Variants in MYO10 observed in about 807,000 individuals in gnomAD.
The protein encoded by MYO10 is unconventional myosin-X.
MYO10 carries 133 observed loss-of-function variants against 257.3 expected under a neutral mutation model. That is an observed-to-expected ratio of 0.52 (90% CI 0.45 to 0.60). MYO10 has a LOEUF of 0.60. Among genes scored for constraint, MYO10 ranks in the 20% least tolerant of loss-of-function variants. The probability of loss-of-function intolerance (pLI) is 0.00; values close to 1 mark genes in which losing one functional copy is unlikely to be tolerated. For missense variants in MYO10, 2,399 were observed against 2,635.7 expected (o/e 0.91, Z 1.97); for synonymous variants, 1,104 against 1,028.6 (o/e 1.07, Z -1.40).
chr5:16,677,197 G>A (rs532620613), intron 33 of MYO10, among the ~76,000 whole-genome samples: 1 of 151,868 alleles, frequency 6.6e-6, no homozygotes, highest in Non-Finnish European at 1.5e-5. Flanking sequence ...ATTCTATCGT[G>A]GTAATTTCAT....
chr5:16,665,477 G>C lies in MYO10; in HGVS notation c.*1215C>G, dbSNP rs532277543. Reference sequence around the variant, plus strand: ...TCCAAGACCAGATTATTTTTCTTCTGGTCATAAATGCTGATTTATTTACAG... The same window carrying C: ...TCCAAGACCAGATTATTTTTCTTCTCGTCATAAATGCTGATTTATTTACAG... On this transcript the variant is annotated 3_prime_UTR_variant, in exon 41 of 41. Coordinates refer to ENST00000513610, the MANE Select transcript of MYO10 (RefSeq NM_012334.3). 6.6e-6 allele frequency: 1 copy of C among 152,126 alleles called. No individual in the cohort carries two copies. Among genetic ancestry groups the C allele is most frequent in the African/African-American group, 2.4e-5 (1 of 41,494 alleles). 9.4% of individuals were successfully genotyped at this position (152,126 alleles called of 1,614,324 possible). A position where few individuals can be genotyped will look rare whatever the true frequency, so the allele number is the denominator to read the frequency against.
intron 2 of MYO10, among the ~76,000 whole-genome samples, chr5:16,867,634 GT>G (rs1252980915): frequency 3.0e-4 from 46 of 152,286 alleles, no homozygotes; most frequent in Non-Finnish European, 2.9e-4. Flanking sequence ...AAACCAGAGA[GT>G]CAAACCAAAA....
Position 16,816,537 on chromosome 5 carries a change from CT to C in MYO10, c.279+1471del, listed in dbSNP as rs372989287. 6.3e-3 allele frequency among the ~76,000 whole-genome samples: 883 copies of C among 140,328 alleles called. 7 individuals are homozygous for C. The highest frequency in any genetic ancestry group is 0.017 in the African/African-American group (666 of 38,486). The allele number at this position is 140,328 out of a possible 152,430, so 92.1% of individuals were successfully genotyped here. A position where few individuals can be genotyped will look rare whatever the true frequency, so the allele number is the denominator to read the frequency against. ...ACTATCCATTTTAAGGCTGATTTTT[CT>C]TTTTTTTTTTTTTGAGATGGAGTCT... On this transcript the variant is annotated intron_variant, in intron 3 of 40. Coordinates refer to ENST00000513610, the MANE Select transcript of MYO10 (RefSeq NM_012334.3).
intron 18 of MYO10, among the ~76,000 whole-genome samples, chr5:16,755,477 A>G (rs1379866114): frequency 6.6e-6 from 1 of 152,216 alleles, no homozygotes; most frequent in Non-Finnish European, 1.5e-5. Context: ...AAATAGTACA[A>G]TTTTAATAAA....
intron 36 of MYO10, 38 bp downstream of exon 36, chr5:16,673,644 G>A: frequency 1.9e-6 from 3 of 1,586,698 alleles, no homozygotes; most frequent in Non-Finnish European, 2.6e-6. Flanking sequence ...CTGCAGCAAA[G>A]GCATCTAACA....
chr5:16,746,685 C>T (rs1236783664), intron 19 of MYO10, among the ~76,000 whole-genome samples: 1 of 152,152 alleles, frequency 6.6e-6, no homozygotes, highest in Non-Finnish European at 1.5e-5. Context: ...AGCAAGGTGC[C>T]TATTTGTGGT....
chr5:16,701,017 C>T lies in MYO10; in HGVS notation c.3378G>A (p.Gly1126=), dbSNP rs1365498793. 6.4e-7 allele frequency: 1 copy of T among 1,562,114 alleles called. No individual in the cohort carries two copies. The highest frequency in any genetic ancestry group is 2.4e-5 in the East Asian group (1 of 41,648). Residue 1126 remains glycine (G), a synonymous_variant, in exon 25 of 41, where the codon GGG becomes GGA. Coordinates refer to ENST00000513610, the MANE Select transcript of MYO10 (RefSeq NM_012334.3). This position sits in a 1 kb window ranked among gnomAD's most constrained non-coding sequence, Gnocchi z 8.1. ...GGTAGGCACCCGAGCTGTTGTAGGT[C>T]CCCACAGAGCAGCGGTAGTCGGGGG... ...QWSPDYRCSV[G]TYNSSGAYRF...
chr5:16,779,979 G>A (rs535272339), intron 8 of MYO10, among the ~76,000 whole-genome samples: 3 of 152,116 alleles, frequency 2.0e-5, no homozygotes, highest in Non-Finnish European at 4.4e-5. Flanking sequence ...TCAGCTCACC[G>A]CAACTTCTGC....
In MYO10 at chr5:16,663,227, TGA is replaced by T. The variant is rs1286977953; in HGVS notation, c.*3463_*3464del. On this transcript the variant is annotated 3_prime_UTR_variant, in exon 41 of 41. Transcript: ENST00000513610. The stretch of plus-strand genomic sequence containing the variant: ...ATGATTGGACAGCTTAAATTATTTT[TGA>T]GAGAATATTCAATAAAACAGTAAAA... The T allele has an allele frequency of 6.6e-6, 1 of 151,922 alleles. No individual in the cohort carries two copies. The highest frequency in any genetic ancestry group is 2.4e-5 in the African/African-American group (1 of 41,362). The allele number at this position is 151,922 out of a possible 1,614,324, so 9.4% of individuals were successfully genotyped here.
intron 1 of MYO10, among the ~76,000 whole-genome samples, chr5:16,931,922 A>T (rs530672647): frequency 6.6e-6 from 1 of 152,328 alleles, no homozygotes; most frequent in East Asian, 1.9e-4. Context: ...AAACAAAAAA[A>T]ATATACAACC....
chr5:16,676,848 A>G (rs1200085405), intron 33 of MYO10, among the ~76,000 whole-genome samples: 1 of 152,258 alleles, frequency 6.6e-6, no homozygotes, highest in Non-Finnish European at 1.5e-5. Context: ...TATAAAAAAT[A>G]AGAGAGCAAA....
intron 2 of MYO10, among the ~76,000 whole-genome samples, chr5:16,824,596 C>T (rs1286235526): frequency 1.3e-5 from 2 of 152,140 alleles, no homozygotes; most frequent in Non-Finnish European, 2.9e-5. Flanking sequence ...CAGCCGGGCG[C>T]GGTGGCTCAC....
chr5:16,845,390 G>T (rs2126730680), intron 2 of MYO10, among the ~76,000 whole-genome samples: 1 of 152,232 alleles, frequency 6.6e-6, no homozygotes, highest in South Asian at 2.1e-4. Context: ...TTTAGGCTGG[G>T]TGCAGTGGGC....
In MYO10 at chr5:16,680,151, G is replaced by A. The variant is rs75319158; in HGVS notation, c.4385-47C>T. On this transcript the variant is annotated intron_variant, in intron 32 of 40. Coordinates refer to ENST00000513610, the MANE Select transcript of MYO10 (RefSeq NM_012334.3). The stretch of plus-strand genomic sequence containing the variant: ...GCACACGCACGTCAACGCCAACCTC[G>A]GGGACTGAGGCAATGCCTGTGTCCT... 1.3e-4 allele frequency: 202 copies of A among 1,580,354 alleles called. No homozygotes were observed. In the East Asian group the frequency reaches 4.1e-3, roughly 32 times the overall value.
chr5:16,730,044 G>T (rs1739521401), intron 19 of MYO10, among the ~76,000 whole-genome samples: 1 of 152,136 alleles, frequency 6.6e-6, no homozygotes, highest in Admixed American at 6.6e-5. Flanking sequence ...ACTCTAAGAG[G>T]GTGAGGTCTT....
chr5:16,680,470 C>T (rs909833690), intron 32 of MYO10, among the ~76,000 whole-genome samples: 1 of 152,120 alleles, frequency 6.6e-6, no homozygotes, highest in African/African-American at 2.4e-5. Context: ...CTTCTTACTT[C>T]CTATTTCTTC....
At chr5:16,719,989 C>CGTGCGTGTGTGTGTGTGTGT (rs1554039262) in intron 19 of MYO10, among the ~76,000 whole-genome samples, 1 of 143,442 alleles carries the variant, frequency 7.0e-6, no homozygotes, top group African/African-American at 2.6e-5. Flanking sequence ...TGTGTGCGTG[C>CGTGCGTGTGTGTGTGTGTGT]GTGTGTGTGT....
intron 2 of MYO10, among the ~76,000 whole-genome samples, chr5:16,873,204 T>C (rs1028060912): frequency 2.0e-5 from 3 of 152,152 alleles, no homozygotes; most frequent in African/African-American, 7.2e-5. Flanking sequence ...CCATTCCAAA[T>C]AGGAGAAATT....
At chr5:16,698,903 G>A (rs571934456) in intron 26 of MYO10, among the ~76,000 whole-genome samples, 43 of 143,886 alleles carry the variant, frequency 3.0e-4, no homozygotes, top group East Asian at 1.7e-3. Context: ...GATTACAGGC[G>A]TGAGCCACCA....
Sources: allele counts gnomAD v4.1 joint callset (sites outside exome capture counted in the v4.1 genomes callset), GRCh38; gene constraint gnomAD v4.1.1; non-coding constraint Gnocchi (gnomAD v3.1); transcripts MANE v1.5; gene names NCBI Gene and HGNC (gene_info 2026-07-23, HGNC 2026-07-21).